Variants in CPEB1 observed in about 807,000 individuals in gnomAD.
CPEB1 encodes the protein cytoplasmic polyadenylation element binding protein 1, also known as cytoplasmic polyadenylation element-binding protein 1.
In CPEB1, 7 loss-of-function variants were observed where a neutral mutation model predicts 65.8. That is an observed-to-expected ratio of 0.11 (90% CI 0.06 to 0.20). The LOEUF (loss-of-function observed/expected upper bound fraction) is 0.20, where lower values mean the gene tolerates loss of function less well. CPEB1 is among the 10% of genes least tolerant of loss of function. The pLI is 1.00. For synonymous variants in CPEB1, 262 were observed against 260.0 expected (o/e 1.01, Z -0.08); for missense variants, 551 against 712.2 (o/e 0.77, Z 2.58).
At position 82,543,763 on chromosome 15, in the gene CPEB1, C is replaced by G. The variant is rs1206894493; in HGVS notation, c.*829G>C. 1 of 152,146 alleles carries G rather than the reference C, an allele frequency of 6.6e-6. No individual in the cohort carries two copies. The highest frequency in any genetic ancestry group is 1.5e-5 in the Non-Finnish European group (1 of 67,996). 9.4% of individuals were successfully genotyped at this position (152,146 alleles called of 1,614,324 possible). A position where few individuals can be genotyped will look rare whatever the true frequency, so the allele number is the denominator to read the frequency against. ...AGGAGGTGCAATAAACCATTTAAAACTATATACAGCAGCCGCTCAAACACC... is the reference window on the plus strand; with the variant it reads ...AGGAGGTGCAATAAACCATTTAAAAGTATATACAGCAGCCGCTCAAACACC... On this transcript the variant is annotated 3_prime_UTR_variant, in exon 13 of 13. Transcript: ENST00000684509.
chr15:82,645,383 C>T (rs2047418033), intron 1 of CPEB1, among the ~76,000 whole-genome samples: 1 of 152,032 alleles, frequency 6.6e-6, no homozygotes, highest in African/African-American at 2.4e-5. Context: ...GAACTTCTGA[C>T]CTCAGGTGAT....
chr15:82,583,060 C>T (rs1317269609), intron 3 of CPEB1, among the ~76,000 whole-genome samples: 1 of 152,112 alleles, frequency 6.6e-6, no homozygotes, highest in East Asian at 1.9e-4. Context: ...ACTACTCTCT[C>T]CACAATCTGC....
At chr15:82,580,849 C>CTTT (rs113794355) in intron 3 of CPEB1, among the ~76,000 whole-genome samples, 11 of 147,286 alleles carry the variant, frequency 7.5e-5, no homozygotes, top group African/African-American at 7.5e-5. Flanking sequence ...TCCCCAATTT[C>CTTT]TTTTTTTTTT....
At chr15:82,592,110 T>C (rs2042302380) in intron 3 of CPEB1, among the ~76,000 whole-genome samples, 1 of 151,888 alleles carries the variant, frequency 6.6e-6, no homozygotes, top group Non-Finnish European at 1.5e-5. Context: ...CCAAAGTGCT[T>C]GGATTACAAG....
At chr15:82,618,370 A>T (rs996718897) in intron 3 of CPEB1, among the ~76,000 whole-genome samples, 2 of 152,222 alleles carry the variant, frequency 1.3e-5, no homozygotes, top group Non-Finnish European at 2.9e-5. Flanking sequence ...TCTCATATAC[A>T]CTTTGACAAA....
At chr15:82,622,868 T>C (rs1395101141) in intron 3 of CPEB1, among the ~76,000 whole-genome samples, 1 of 152,086 alleles carries the variant, frequency 6.6e-6, no homozygotes, top group Non-Finnish European at 1.5e-5. Flanking sequence ...TACCCCACCC[T>C]CCTCCACGGA....
intron 10 of CPEB1, chr15:82,548,542 C>T (rs1288827410): frequency 3.7e-5 from 11 of 294,866 alleles, no homozygotes. Flanking sequence ...TAAGGGACTC[C>T]TTCAGTGCAG....
intron 3 of CPEB1, among the ~76,000 whole-genome samples, chr15:82,573,654 G>A (rs953485592): frequency 7.2e-5 from 11 of 152,066 alleles, no homozygotes; most frequent in Admixed American, 6.6e-4. Flanking sequence ...CCCTCACGAG[G>A]AGAGAATCAA....
At chr15:82,637,981 T>C (rs747546880) in intron 1 of CPEB1, 3 of 454,368 alleles carry the variant, frequency 6.6e-6, no homozygotes, top group South Asian at 4.7e-5. Context: ...AAAAAATTTA[T>C]GGAGTGGCAT....
At chr15:82,577,806 A>G (rs2040825577) in intron 3 of CPEB1, among the ~76,000 whole-genome samples, 4 of 151,908 alleles carry the variant, frequency 2.6e-5, no homozygotes, top group Admixed American at 2.0e-4. Context: ...TACAGGTGTG[A>G]GCCACTGCAT....
chr15:82,551,645 GAAAC>G (rs1412938732), intron 9 of CPEB1, among the ~76,000 whole-genome samples: 4 of 151,974 alleles, frequency 2.6e-5, no homozygotes, highest in Non-Finnish European at 5.9e-5. Flanking sequence ...AAGAGAAGAG[GAAAC>G]AAAGTTTCAG....
At chr15:82,548,959 TGGTTAG>T (rs1555452644) in intron 10 of CPEB1, among the ~76,000 whole-genome samples, 8 of 152,224 alleles carry the variant, frequency 5.3e-5, no homozygotes, top group Non-Finnish European at 1.2e-4. Flanking sequence ...CAAAACCTAG[TGGTTAG>T]GCCCACAGAC....
intron 3 of CPEB1, among the ~76,000 whole-genome samples, chr15:82,576,100 A>C (rs2040613606): frequency 6.6e-6 from 1 of 152,228 alleles, no homozygotes; most frequent in African/African-American, 2.4e-5. Flanking sequence ...AACAGAACAA[A>C]ATGTAGTACA....
intron 3 of CPEB1, among the ~76,000 whole-genome samples, chr15:82,609,684 C>T (rs1260460262): frequency 2.0e-5 from 3 of 148,782 alleles, no homozygotes; most frequent in African/African-American, 7.4e-5. Context: ...ATCTGCAAAA[C>T]TGATAAACCT....
chr15:82,579,199 C>A (rs1046240058), intron 3 of CPEB1, among the ~76,000 whole-genome samples: 10 of 152,272 alleles, frequency 6.6e-5, no homozygotes, highest in African/African-American at 2.4e-4. Flanking sequence ...TGGTGGCTCA[C>A]ATCTGTAATC....
At chr15:82,637,900 T>C (rs1232799595) in intron 1 of CPEB1, 2 of 414,476 alleles carry the variant, frequency 4.8e-6, no homozygotes, top group Non-Finnish European at 9.7e-6. Context: ...CCATTAGAAA[T>C]TAAAAAGGGG....
At chr15:82,550,283 T>G (rs1402736771) in intron 9 of CPEB1, among the ~76,000 whole-genome samples, 1 of 152,034 alleles carries the variant, frequency 6.6e-6, no homozygotes, top group Non-Finnish European at 1.5e-5. Flanking sequence ...AACAAAACCT[T>G]GTAGAGCAGG....
chr15:82,637,402 A>G (rs962973734), intron 1 of CPEB1, among the ~76,000 whole-genome samples: 1 of 152,136 alleles, frequency 6.6e-6, no homozygotes, highest in Non-Finnish European at 1.5e-5. Context: ...CCTCTTGGTT[A>G]TACCTGCCAC....
chr15:82,643,581 A>G (rs1386138655), intron 1 of CPEB1, among the ~76,000 whole-genome samples: 2 of 151,990 alleles, frequency 1.3e-5, no homozygotes, highest in Admixed American at 6.6e-5. Context: ...GTGAGCCGAG[A>G]TTGTGCCACT....
Sources: gnomAD v4.1 joint callset for allele counts (sites outside exome capture counted in the v4.1 genomes callset) on GRCh38, gnomAD v4.1.1 for gene constraint, MANE v1.5 for transcripts, NCBI Gene and HGNC (gene_info 2026-07-23, HGNC 2026-07-21) for gene names.